The following SLC25A13 variants were observed in gnomAD, a reference collection of about 807,000 sequenced individuals.
The protein encoded by SLC25A13 is solute carrier family 25 member 13, also known as electrogenic aspartate/glutamate antiporter SLC25A13, mitochondrial.
SLC25A13 carries 70 observed loss-of-function variants against 85.5 expected under a neutral mutation model. That is an observed-to-expected ratio of 0.82 (90% CI 0.68 to 1.00). The LOEUF (loss-of-function observed/expected upper bound fraction) is 1.00, where lower values mean the gene tolerates loss of function less well. SLC25A13 is among the 50% of genes least tolerant of loss of function. SLC25A13 has a pLI of 0.00. For synonymous variants in SLC25A13, 259 were observed against 288.7 expected (o/e 0.90, Z 1.04); for missense variants, 765 against 819.8 (o/e 0.93, Z 0.82).
intron 1 of SLC25A13, among the ~76,000 whole-genome samples, chr7:96,320,031 G>GTCT (rs1245719382): frequency 7.9e-5 from 12 of 152,294 alleles, no homozygotes; most frequent in African/African-American, 2.6e-4. Context: ...TTGAGACAGG[G>GTCT]TCTTGCTCTG....
chr7:96,297,035 A>G lies in SLC25A13; in HGVS notation c.16-84T>C, dbSNP rs535420956. The G allele has an allele frequency of 1.7e-5, 22 of 1,262,936 alleles. No individual in the cohort carries two copies. The African/African-American group carries it at 2.1e-4, about 12-fold the overall frequency. 78.2% of individuals were successfully genotyped at this position (1,262,936 alleles called of 1,614,324 possible). A position where few individuals can be genotyped will look rare whatever the true frequency, so the allele number is the denominator to read the frequency against. On this transcript the variant is annotated intron_variant, in intron 1 of 17. Transcript: ENST00000265631. ...CCGACTAAAGGAAAATAAATCTCAG[A>G]TTAAAAATTAGTGCATTTCATTTTT...
At chr7:96,192,837 G>A (rs186306546) in intron 6 of SLC25A13, among the ~76,000 whole-genome samples, 200 bp downstream of exon 6, 22 of 151,804 alleles carry the variant, frequency 1.4e-4, no homozygotes, top group Admixed American at 1.3e-4. Context: ...AAGATATTCC[G>A]TATTACCCAG....
At chr7:96,125,442 T>G (rs1250416350) in intron 15 of SLC25A13, among the ~76,000 whole-genome samples, 1 of 152,174 alleles carries the variant, frequency 6.6e-6, no homozygotes, top group Admixed American at 6.5e-5. Context: ...GGAAGAAAGC[T>G]TTGAGTCCTT....
intron 1 of SLC25A13, among the ~76,000 whole-genome samples, chr7:96,309,148 TCA>T (rs1250612836): frequency 6.6e-6 from 1 of 152,206 alleles, no homozygotes; most frequent in Non-Finnish European, 1.5e-5. Context: ...AGACAGGATA[TCA>T]CCCTCTTGTC....
Position 96,184,306 on chromosome 7 carries a change from C to A in SLC25A13, c.1148G>T (p.Arg383Leu). 1.2e-6 allele frequency: 2 copies of A among 1,614,126 alleles called. No homozygotes were observed. The highest frequency in any genetic ancestry group is 1.1e-5 in the South Asian group (1 of 91,078). Reference protein sequence around the residue: ...NSFDCFKKVLRYEGFFGLYRG... With the variant: ...NSFDCFKKVLLYEGFFGLYRG... ...ATACAGTCCAAAGAAGCCTTCATAG[C>A]GTAGCACTTTCTTAAAACAGTCAAA... The change falls in exon 11 of 18, where the codon CGC (arginine) becomes CTC (leucine). Residue 383 changes from arginine to leucine, a missense_variant. By Grantham distance (102) the Arg-to-Leu change is moderately radical (BLOSUM62 -2). Transcript: ENST00000265631.
intron 1 of SLC25A13, among the ~76,000 whole-genome samples, chr7:96,317,906 A>T (rs1486451545): frequency 2.0e-5 from 3 of 150,632 alleles, no homozygotes; most frequent in Non-Finnish European, 4.4e-5. Flanking sequence ...GGCTCAAGTG[A>T]TCCTCCTGCC....
intron 14 of SLC25A13, among the ~76,000 whole-genome samples, chr7:96,138,760 C>A (rs1431492430): frequency 6.6e-6 from 1 of 152,104 alleles, no homozygotes; most frequent in Non-Finnish European, 1.5e-5. Context: ...ATTCAATATA[C>A]ATTTGGTGAA....
chr7:96,219,960 A>G (rs1475694800), intron 4 of SLC25A13, among the ~76,000 whole-genome samples: 1 of 152,232 alleles, frequency 6.6e-6, no homozygotes, highest in African/African-American at 2.4e-5. Context: ...TATCTGCTAG[A>G]AAAAGTATTT....
intron 3 of SLC25A13, among the ~76,000 whole-genome samples, chr7:96,240,747 G>GGA (rs1554363630): frequency 7.7e-6 from 1 of 129,896 alleles, no homozygotes; most frequent in Non-Finnish European, 1.6e-5. Context: ...CCATCTACTA[G>GGA]AAAAAAAAAA....
At chr7:96,146,745 T>C in intron 13 of SLC25A13, 49 bp from the exon 14 acceptor site, 1 of 1,602,148 alleles carries the variant, frequency 6.2e-7, no homozygotes, top group Non-Finnish European at 8.6e-7. Context: ...AATGGTAAGG[T>C]GGGTCAGGAA....
chr7:96,222,216 A>G (rs1796156496), intron 4 of SLC25A13, among the ~76,000 whole-genome samples: 1 of 152,186 alleles, frequency 6.6e-6, no homozygotes, highest in Admixed American at 6.5e-5. Flanking sequence ...TCAATAGTGA[A>G]GATTAAAGGA....
chr7:96,242,625 C>T (rs369713458), intron 3 of SLC25A13, among the ~76,000 whole-genome samples: 2 of 152,168 alleles, frequency 1.3e-5, no homozygotes, highest in South Asian at 2.1e-4. Context: ...GTACAATGAA[C>T]ACTTTGGTCT....
intron 14 of SLC25A13, among the ~76,000 whole-genome samples, chr7:96,136,167 C>T (rs1792279590): frequency 6.6e-6 from 1 of 152,100 alleles, no homozygotes; most frequent in Non-Finnish European, 1.5e-5. Flanking sequence ...CTATATCATG[C>T]CAAAGTCTCT....
chr7:96,150,494 T>G (rs755787606), intron 13 of SLC25A13, among the ~76,000 whole-genome samples: 30 of 152,144 alleles, frequency 2.0e-4, no homozygotes, highest in Non-Finnish European at 3.8e-4. Flanking sequence ...CTGAACTGTG[T>G]TCTACCAAAA....
chr7:96,164,156 A>C (rs1330600446), intron 13 of SLC25A13, among the ~76,000 whole-genome samples: 1 of 152,168 alleles, frequency 6.6e-6, no homozygotes, highest in Non-Finnish European at 1.5e-5. Context: ...TGGCTAAATT[A>C]ATGTTGCATA....
intron 14 of SLC25A13, among the ~76,000 whole-genome samples, chr7:96,138,136 G>A (rs916928646): frequency 6.6e-6 from 1 of 152,026 alleles, no homozygotes; most frequent in Non-Finnish European, 1.5e-5. Flanking sequence ...TTTTTACAGG[G>A]TATACAAGTC....
chr7:96,186,556 A>G (rs1398225610), intron 9 of SLC25A13, among the ~76,000 whole-genome samples: 4 of 152,236 alleles, frequency 2.6e-5, no homozygotes, highest in Admixed American at 6.5e-5. Flanking sequence ...CTCTTTAAAC[A>G]AAAAGAACAA....
intron 1 of SLC25A13, among the ~76,000 whole-genome samples, chr7:96,319,540 CAAAAAAAAAAA>C (rs398005497): frequency 2.6e-5 from 2 of 77,254 alleles, no homozygotes; most frequent in South Asian, 6.0e-4. Flanking sequence ...GACTCCATCT[CAAAAAAAAAAA>C]AAAAAAAAAA....
At chr7:96,280,529 A>G (rs753156027) in intron 2 of SLC25A13, among the ~76,000 whole-genome samples, 4 of 152,166 alleles carry the variant, frequency 2.6e-5, no homozygotes, top group Non-Finnish European at 5.9e-5. Flanking sequence ...CAGCCTGGGC[A>G]AGATGGCGGA....
Sources: allele counts gnomAD v4.1 joint callset (sites outside exome capture counted in the v4.1 genomes callset), GRCh38; gene constraint gnomAD v4.1.1; transcripts MANE v1.5; gene names NCBI Gene and HGNC (gene_info 2026-07-23, HGNC 2026-07-21).